FADS1: variants seen among roughly 807,000 people sequenced by gnomAD.
FADS1 encodes acyl-CoA (8-3)-desaturase.
Under a neutral mutation model 61.6 loss-of-function variants are expected in FADS1, and 17 were observed. That is an observed-to-expected ratio of 0.28 (90% CI 0.19 to 0.41). The LOEUF is 0.41. Among genes scored for constraint, FADS1 ranks in the 10% least tolerant of loss-of-function variants. The pLI is 1.00. For synonymous variants in FADS1, 238 were observed against 258.7 expected, an observed-to-expected ratio of 0.92 and a Z score of 0.77; for missense variants, 387 against 650.9, an observed-to-expected ratio of 0.59 and a Z score of 4.41.
In FADS1 at chr11:61,803,976, C is replaced by A; in HGVS notation, c.1054-209G>T. The A allele has an allele frequency of 1.7e-6, 1 of 585,822 alleles. No individual in the cohort carries two copies. The highest frequency in any genetic ancestry group is 3.0e-6 in the Non-Finnish European group (1 of 328,720). The allele number at this position is 585,822 out of a possible 1,614,324, so 36.3% of individuals were successfully genotyped here. ...CCCCCCAGCCCTTCTTGCATGTCCC[C>A]TTCAAAAGTACCAAGGCCTACAAGG... On this transcript the variant is annotated intron_variant, in intron 7 of 11. Transcript: ENST00000350997. This position sits in a 1 kb window ranked among gnomAD's most constrained non-coding sequence, Gnocchi z 4.3.
At chr11:61,814,746 G>T (rs2066961333) in intron 1 of FADS1, 1 of 152,130 alleles carries the variant, frequency 6.6e-6, no homozygotes, top group Non-Finnish European at 1.5e-5. Flanking sequence ...TAGCTACAGA[G>T]CGCCAATTGG....
At chr11:61,813,407 GC>G in intron 1 of FADS1, 54 bp from the exon 2 acceptor site, 1 of 1,036,074 alleles carries the variant, frequency 9.7e-7, no homozygotes, top group Non-Finnish European at 1.5e-6. Context: ...CTGGACTCCG[GC>G]AGTGTTCGCA....
chr11:61,803,785 G>A lies in FADS1; in HGVS notation c.1054-18C>T, dbSNP rs1488635974. 3 of 1,586,524 alleles carry A rather than the reference G, an allele frequency of 1.9e-6. No individual in the cohort carries two copies. Among genetic ancestry groups the A allele is most frequent in the Non-Finnish European group, 1.7e-6 (2 of 1,154,962 alleles). On this transcript the variant is annotated intron_variant, in intron 7 of 11. Coordinates refer to ENST00000350997, the MANE Select transcript of FADS1 (RefSeq NM_013402.7). The surrounding 1 kb of genome is among the most constrained non-coding windows in gnomAD (Gnocchi z 4.3). The stretch of plus-strand genomic sequence containing the variant: ...GCCAAGTCCTATAGTGAGAAAAGCA[G>A]CGAGCATAACAGTCACGAACAACTC...
chr11:61,812,376 G>A, intron 3 of FADS1, 95 bp downstream of exon 3: 1 of 1,102,030 alleles, frequency 9.1e-7, no homozygotes, highest in South Asian at 1.3e-5. Flanking sequence ...GCCCTGCTTG[G>A]AGGGCAGGCA....
chr11:61,804,655 A>G, intron 7 of FADS1, 30 bp downstream of exon 7: 5 of 1,594,210 alleles, frequency 3.1e-6, no homozygotes, highest in Non-Finnish European at 4.3e-6. Context: ...GGAGACAAGG[A>G]TGTGGGCTTC....
Position 61,813,340 on chromosome 11 carries a change from G to C in FADS1, c.389C>G (p.Ala130Gly). The stretch of plus-strand genomic sequence containing the variant: ...CACAAGGCCCTTGTTGATGTGGAAG[G>C]CCACAAAGGGATCCTGCAAGTGCCG... ...AGQDATDPFV[A>G]FHINKGLVKK... Residue 130 changes from alanine to glycine, a missense_variant, in exon 2 of 12, where the codon GCC becomes GGC. By Grantham distance (60) the Ala-to-Gly change is moderately conservative (BLOSUM62 0). This residue lies in a region of FADS1 where 257 missense variants were observed against 533.3 expected (regional missense o/e 0.48). Coordinates refer to ENST00000350997, the MANE Select transcript of FADS1 (RefSeq NM_013402.7). The C allele has an allele frequency of 6.2e-7, 1 of 1,604,854 alleles. No individual in the cohort carries two copies. The highest frequency in any genetic ancestry group is 8.5e-7 in the Non-Finnish European group (1 of 1,172,448).
At chr11:61,805,850 C>G (rs553633364) in intron 6 of FADS1, 1 of 152,226 alleles carries the variant, frequency 6.6e-6, no homozygotes, top group Non-Finnish European at 1.5e-5. Flanking sequence ...ATGGTCCCAC[C>G]TCAGTTTCCT....
In FADS1 at chr11:61,802,764, C is replaced by A. The variant is rs1565317772; in HGVS notation, c.1454+37G>T. The A allele has an allele frequency of 1.2e-6, 2 of 1,613,596 alleles. No individual in the cohort carries two copies. Among genetic ancestry groups the A allele is most frequent in the Non-Finnish European group, 1.7e-6 (2 of 1,179,918 alleles). The stretch of plus-strand genomic sequence containing the variant: ...CATTTCCATTGCCCTGCCCTCTTCC[C>A]TCCCTACTAGCCATCTTCCTGGTCT... On this transcript the variant is annotated intron_variant, in intron 11 of 11. Transcript: ENST00000350997. This position sits in a 1 kb window ranked among gnomAD's most constrained non-coding sequence, Gnocchi z 4.2.
chr11:61,802,329 G>A lies in FADS1; in HGVS notation c.*82C>T. ...AACCCCCTCTGAGTATTAAACTATA[G>A]TGGCATTGTCCCTCAAGCTCCCCTC... On this transcript the variant is annotated 3_prime_UTR_variant, in exon 12 of 12. Coordinates refer to ENST00000350997, the MANE Select transcript of FADS1 (RefSeq NM_013402.7). This position sits in a 1 kb window ranked among gnomAD's most constrained non-coding sequence, Gnocchi z 4.2. 2 of 1,209,712 alleles carry A rather than the reference G, an allele frequency of 1.7e-6. No individual in the cohort carries two copies. The highest frequency in any genetic ancestry group is 2.4e-6 in the Non-Finnish European group (2 of 836,302). The allele number at this position is 1,209,712 out of a possible 1,614,324, so 74.9% of individuals were successfully genotyped here.
Position 61,816,590 on chromosome 11 carries a change from G to C in FADS1, c.340C>G (p.Arg114Gly). The change falls in exon 1 of 12, where the codon CGG becomes GGG. Residue 114 changes from arginine to glycine, a missense_variant. This residue lies in a region of FADS1 where 257 missense variants were observed against 533.3 expected (regional missense o/e 0.48). Transcript: ENST00000350997. This position sits in a 1 kb window ranked among gnomAD's most constrained non-coding sequence, Gnocchi z 7.0. ...TGCCCGGCGTAGTGGCTGATGACCC[G>C]GGAGCCCCCTGGATGCCGGCGGGTG... is the stretch of plus-strand genomic sequence containing the variant. ...EFTRRHPGGS[R>G]VISHYAGQDA... The C allele has an allele frequency of 6.2e-7, 1 of 1,609,604 alleles. No homozygotes were observed. Among genetic ancestry groups the C allele is most frequent in the Non-Finnish European group, 8.5e-7 (1 of 1,178,748 alleles).
At chr11:61,807,495 A>G (rs2066902021) in intron 5 of FADS1, among the ~76,000 whole-genome samples, 1 of 152,260 alleles carries the variant, frequency 6.6e-6, no homozygotes, top group Non-Finnish European at 1.5e-5. Flanking sequence ...TGACTTAAAC[A>G]TGAGCTTTAT....
At chr11:61,806,866 C>G (rs1408402579) in intron 5 of FADS1, 142 bp from the exon 6 acceptor site, 1 of 750,094 alleles carries the variant, frequency 1.3e-6, no homozygotes, top group Non-Finnish European at 2.4e-6. Flanking sequence ...AGAGGCCCAG[C>G]CTTACCTCCA....
At chr11:61,810,904 A>G in intron 4 of FADS1, 25 bp from the exon 5 acceptor site, 2 of 1,614,162 alleles carry the variant, frequency 1.2e-6, no homozygotes, top group Non-Finnish European at 1.7e-6. Flanking sequence ...GGACACGAGT[A>G]TGAAAAGCTT....
Position 61,809,230 on chromosome 11 carries a change from G to A in FADS1, c.915+1521C>T, listed in dbSNP as rs991964575. On this transcript the variant is annotated intron_variant, in intron 5 of 11. Transcript: ENST00000350997. ...GGTCTCAGTTCAGATGTCGGCACCC[G>A]AAGGAGGCCATATCTGATCATGACT... 7.9e-5 allele frequency among the ~76,000 whole-genome samples: 12 copies of A among 152,174 alleles called. 1 individual carries two copies. The highest frequency in any genetic ancestry group is 3.3e-4 in the Admixed American group (5 of 15,280).
chr11:61,803,141 T>TG lies in FADS1; in HGVS notation c.1249-31dup. Reference sequence around the variant, plus strand: ...CGGAAAAGGTCAGGGGAGAGCATGTTGAATATCAGATGGAAAGGCCAGCCC... The same window carrying TG: ...CGGAAAAGGTCAGGGGAGAGCATGTTGGAATATCAGATGGAAAGGCCAGCCC... On this transcript the variant is annotated intron_variant, in intron 9 of 11. Transcript: ENST00000350997. The surrounding 1 kb of genome is among the most constrained non-coding windows in gnomAD (Gnocchi z 4.3). 2 of 1,607,650 alleles carry TG rather than the reference T, an allele frequency of 1.2e-6. No homozygotes were observed. The highest frequency in any genetic ancestry group is 1.7e-6 in the Non-Finnish European group (2 of 1,174,340).
chr11:61,814,226 C>CCAT (rs2066954086), intron 1 of FADS1: 1 of 152,590 alleles, frequency 6.6e-6, no homozygotes, highest in African/African-American at 2.4e-5. Flanking sequence ...GAAGCACAGG[C>CCAT]CATCTCCCTA....
At chr11:61,809,736 C>T (rs776122690) in intron 5 of FADS1, among the ~76,000 whole-genome samples, 6 of 152,168 alleles carry the variant, frequency 3.9e-5, no homozygotes, top group Non-Finnish European at 5.9e-5. Flanking sequence ...AGGGCTGCTT[C>T]GTCATCTGCA....
In FADS1 at chr11:61,816,408, C is replaced by T. The variant is rs777211354; in HGVS notation, c.375+147G>A. ...CTTTTCATCCCGCATCCGCAGGACACCCAATCACCGGGCAACAGGTATGAT... is the reference window on the plus strand; with the variant it reads ...CTTTTCATCCCGCATCCGCAGGACATCCAATCACCGGGCAACAGGTATGAT... On this transcript the variant is annotated intron_variant, in intron 1 of 11. Coordinates refer to ENST00000350997, the MANE Select transcript of FADS1 (RefSeq NM_013402.7). This position sits in a 1 kb window ranked among gnomAD's most constrained non-coding sequence, Gnocchi z 7.0. 1.3e-6 allele frequency: 2 copies of T among 1,598,638 alleles called. No homozygotes were observed. The highest frequency in any genetic ancestry group is 2.2e-5 in the South Asian group (2 of 91,088).
At chr11:61,812,726 G>C (rs2066940660) in intron 2 of FADS1, 58 bp from the exon 3 acceptor site, 1 of 1,505,454 alleles carries the variant, frequency 6.6e-7, no homozygotes, top group African/African-American at 1.4e-5. Context: ...TGCTACTGGA[G>C]ACAAGGGCCC....
Sources: gnomAD v4.1 joint callset for allele counts (sites outside exome capture counted in the v4.1 genomes callset) on GRCh38, gnomAD v4.1.1 for gene constraint, gnomAD v4.1.1 regional missense constraint, Gnocchi (gnomAD v3.1) non-coding constraint, MANE v1.5 for transcripts, NCBI Gene and HGNC (gene_info 2026-07-23, HGNC 2026-07-21) for gene names.